Variants in SPOCK1 observed in about 807,000 individuals in gnomAD.
SPOCK1 encodes the protein SPARC (osteonectin), cwcv and kazal like domains proteoglycan 1.
A neutral mutation model predicts 55.3 loss-of-function variants in SPOCK1; 23 were observed. The observed-to-expected ratio is 0.42, with a 90% CI of 0.30 to 0.59. The LOEUF is 0.59. SPOCK1 is among the 20% of genes least tolerant of loss of function. The pLI, the probability that SPOCK1 is intolerant of heterozygous loss-of-function variation, is 0.22. For synonymous variants in SPOCK1, 226 were observed against 221.0 expected (o/e 1.02, Z -0.20); for missense variants, 499 against 552.5 (o/e 0.90, Z 0.97).
intron 3 of SPOCK1, among the ~76,000 whole-genome samples, chr5:137,247,181 T>C (rs544310259): frequency 4.6e-5 from 7 of 152,108 alleles, no homozygotes; most frequent in Non-Finnish European, 8.8e-5. Context: ...AAAAGGCCCA[T>C]GTGCCAGAGT....
At chr5:137,093,178 C>A (rs1753079540) in intron 5 of SPOCK1, among the ~76,000 whole-genome samples, 2 of 152,176 alleles carry the variant, frequency 1.3e-5, no homozygotes, top group African/African-American at 4.8e-5. Context: ...AGGGGACATT[C>A]AAATCATAGC....
chr5:137,056,368 T>C (rs1325756893), intron 6 of SPOCK1, among the ~76,000 whole-genome samples: 1 of 151,844 alleles, frequency 6.6e-6, no homozygotes, highest in Non-Finnish European at 1.5e-5. Flanking sequence ...TAGACTGAGA[T>C]CTGGATTTAG....
chr5:137,056,148 G>C (rs972513463), intron 6 of SPOCK1, among the ~76,000 whole-genome samples: 2 of 152,206 alleles, frequency 1.3e-5, no homozygotes, highest in African/African-American at 4.8e-5. Context: ...GCAGCCAACA[G>C]GCTGTAGGAA....
chr5:137,120,675 G>A (rs532246313), intron 4 of SPOCK1, among the ~76,000 whole-genome samples: 5 of 152,290 alleles, frequency 3.3e-5, no homozygotes, highest in South Asian at 2.1e-4. Flanking sequence ...AAACAGAACT[G>A]CTGCTTTGTT....
chr5:137,104,378 T>G (rs1282079483), intron 5 of SPOCK1, among the ~76,000 whole-genome samples: 1 of 152,144 alleles, frequency 6.6e-6, no homozygotes, highest in Non-Finnish European at 1.5e-5. Flanking sequence ...GAACCATAAG[T>G]CAATTAAACC....
At chr5:137,160,508 TACACATATATATATAATATATA>T in intron 3 of SPOCK1, among the ~76,000 whole-genome samples, 1 of 89,970 alleles carries the variant, frequency 1.1e-5, no homozygotes, top group Admixed American at 1.8e-4. Context: ...TATATATATA[TACACATATATATATAATATATA>T]AAAATATATA....
chr5:137,087,266 C>T (rs1231289195), intron 5 of SPOCK1, among the ~76,000 whole-genome samples: 1 of 152,154 alleles, frequency 6.6e-6, no homozygotes, highest in Non-Finnish European at 1.5e-5. Flanking sequence ...GCAGCTGCAT[C>T]TGGAAGGGCT....
At chr5:137,498,300 A>ACC (rs1554083908) in intron 2 of SPOCK1, 73 bp downstream of exon 2, 342 of 1,273,736 alleles carry the variant, frequency 2.7e-4, no homozygotes, top group Middle Eastern at 9.7e-4. Context: ...ACACACACAC[A>ACC]CCCCAACCCC....
intron 6 of SPOCK1, among the ~76,000 whole-genome samples, chr5:137,037,331 C>A (rs1751903639): frequency 6.6e-6 from 1 of 150,516 alleles, no homozygotes; most frequent in East Asian, 1.9e-4. Flanking sequence ...TGTGCCTAGC[C>A]TATGATGGAC....
At chr5:137,477,502 T>C (rs905263657) in intron 2 of SPOCK1, among the ~76,000 whole-genome samples, 1 of 152,148 alleles carries the variant, frequency 6.6e-6, no homozygotes, top group African/African-American at 2.4e-5. Context: ...ACCACTCAGT[T>C]TGGGTATAGC....
chr5:137,241,820 G>A (rs1756288676), intron 3 of SPOCK1, among the ~76,000 whole-genome samples: 1 of 152,114 alleles, frequency 6.6e-6, no homozygotes, highest in South Asian at 2.1e-4. Flanking sequence ...ATAGCACAAA[G>A]AGACTAAGAC....
chr5:137,305,398 T>C (rs1399520068), intron 2 of SPOCK1, among the ~76,000 whole-genome samples: 1 of 152,216 alleles, frequency 6.6e-6, no homozygotes, highest in Non-Finnish European at 1.5e-5. Flanking sequence ...TATCCTAACT[T>C]GATTACATCT....
chr5:137,456,797 G>A (rs768479406), intron 2 of SPOCK1, among the ~76,000 whole-genome samples: 31 of 152,144 alleles, frequency 2.0e-4, no homozygotes, highest in Non-Finnish European at 3.5e-4. Context: ...AGAACCAATG[G>A]GAAATTTATA....
chr5:137,404,472 C>T (rs1447883880), intron 2 of SPOCK1, among the ~76,000 whole-genome samples: 20 of 147,528 alleles, frequency 1.4e-4, no homozygotes, highest in Admixed American at 5.5e-4. Context: ...TGCAATGGCG[C>T]GATCTTGGCT....
intron 2 of SPOCK1, among the ~76,000 whole-genome samples, chr5:137,440,090 A>G (rs1435575427): frequency 1.4e-5 from 2 of 139,420 alleles, no homozygotes; most frequent in African/African-American, 3.0e-5. Context: ...AGGGAGGGGG[A>G]AAAATCTTTA....
intron 2 of SPOCK1, among the ~76,000 whole-genome samples, chr5:137,378,714 C>A (rs1431354142): frequency 6.6e-6 from 1 of 152,186 alleles, no homozygotes; most frequent in Non-Finnish European, 1.5e-5. Context: ...CCTAAACTAG[C>A]CAGACCAGGG....
chr5:137,105,199 C>T (rs1393105800), intron 5 of SPOCK1, among the ~76,000 whole-genome samples: 1 of 152,216 alleles, frequency 6.6e-6, no homozygotes, highest in Non-Finnish European at 1.5e-5. Context: ...CCATTGTGTT[C>T]CAGCCTGTGG....
At position 136,978,864 on chromosome 5, in the gene SPOCK1, A is replaced by G; in HGVS notation, c.1130-20T>C. The G allele has an allele frequency of 1.3e-6, 2 of 1,593,808 alleles. No individual in the cohort carries two copies. Among genetic ancestry groups the G allele is most frequent in the Non-Finnish European group, 1.7e-6 (2 of 1,171,012 alleles). On this transcript the variant is annotated intron_variant, in intron 10 of 10. Coordinates refer to ENST00000394945, the MANE Select transcript of SPOCK1 (RefSeq NM_004598.4). ...CCTCTTCTGAAAGATTAAAAAAAGC[A>G]TTGAGGTTAGTTTCCACTTATACCT...
intron 2 of SPOCK1, among the ~76,000 whole-genome samples, chr5:137,430,306 T>A (rs1752716475): frequency 6.6e-6 from 1 of 152,194 alleles, no homozygotes; most frequent in Non-Finnish European, 1.5e-5. Flanking sequence ...TATTCACAGG[T>A]GGGCAAAAAG....
Sources: allele counts gnomAD v4.1 joint callset (sites outside exome capture counted in the v4.1 genomes callset), GRCh38; gene constraint gnomAD v4.1.1; transcripts MANE v1.5; gene names NCBI Gene and HGNC (gene_info 2026-07-23, HGNC 2026-07-21).